Variants in TENM3 observed in about 807,000 individuals in gnomAD.
The protein encoded by TENM3 is teneurin transmembrane protein 3, also known as teneurin-3.
TENM3 carries 63 observed loss-of-function variants against 255.1 expected under a neutral mutation model. The observed-to-expected ratio is 0.25, with a 90% CI of 0.20 to 0.30. TENM3 has a LOEUF of 0.30. Among genes scored for constraint, TENM3 ranks in the 10% least tolerant of loss-of-function variants. The pLI, the probability that TENM3 is intolerant of heterozygous loss-of-function variation, is 1.00. For synonymous variants in TENM3, 1,306 were observed against 1,322.3 expected (o/e 0.99, Z 0.27); for missense variants, 2,929 against 3,461.1 (o/e 0.85, Z 3.86).
At chr4:182,007,061 G>C in the TENM3 span, among the ~76,000 whole-genome samples, 221 of 152,162 alleles carry the variant, frequency 1.5e-3, 1 homozygote, top group African/African-American at 4.8e-3. Context: ...TTAATCCTGA[G>C]TTCTAATTTG....
At chr4:181,706,547 A>T in the TENM3 span, among the ~76,000 whole-genome samples, 41 of 152,320 alleles carry the variant, frequency 2.7e-4, no homozygotes, top group African/African-American at 9.6e-4. Context: ...CATCCCACTG[A>T]TGGGTAGGAT....
the TENM3 span, among the ~76,000 whole-genome samples, chr4:181,597,347 G>A: frequency 2.0e-5 from 3 of 152,148 alleles, no homozygotes; most frequent in East Asian, 3.9e-4. Flanking sequence ...GCATAAACGT[G>A]GTGCTAGATT....
chr4:181,521,014 C>T, the TENM3 span, among the ~76,000 whole-genome samples: 4 of 152,166 alleles, frequency 2.6e-5, no homozygotes, highest in Non-Finnish European at 5.9e-5. Flanking sequence ...TCCTCTGTTG[C>T]GTGTAGGTCT....
intron 3 of TENM3, among the ~76,000 whole-genome samples, chr4:182,423,650 C>T (rs1206306427): frequency 6.6e-6 from 1 of 152,110 alleles, no homozygotes; most frequent in Non-Finnish European, 1.5e-5. Context: ...GTTAATACCC[C>T]AAGCTCCAAG....
chr4:182,121,864 T>G, the TENM3 span, among the ~76,000 whole-genome samples: 1 of 152,206 alleles, frequency 6.6e-6, no homozygotes, highest in East Asian at 1.9e-4. Flanking sequence ...ACAAGAGATT[T>G]CTCCATAGTG....
At chr4:181,668,327 T>C in the TENM3 span, among the ~76,000 whole-genome samples, 2 of 152,228 alleles carry the variant, frequency 1.3e-5, no homozygotes, top group African/African-American at 4.8e-5. Flanking sequence ...GTCCTCTGCA[T>C]GCTCCAGTTT....
chr4:181,789,692 C>G, the TENM3 span, among the ~76,000 whole-genome samples: 1 of 152,044 alleles, frequency 6.6e-6, no homozygotes, highest in Non-Finnish European at 1.5e-5. Context: ...CTACCAACCT[C>G]CAGGAGATGC....
chr4:182,101,128 A>AAGGGAGGG, the TENM3 span, among the ~76,000 whole-genome samples: 1 of 24,542 alleles, frequency 4.1e-5, no homozygotes, highest in Non-Finnish European at 8.0e-5. Flanking sequence ...GGAAGGAAAG[A>AAGGGAGGG]AGGAAGGAAG....
intron 3 of TENM3, among the ~76,000 whole-genome samples, chr4:182,497,437 A>G (rs541990475): frequency 8.2e-4 from 125 of 152,324 alleles, no homozygotes; most frequent in African/African-American, 2.8e-3. Flanking sequence ...CAAAACAACA[A>G]TTCTAGAAAA....
At chr4:181,581,377 C>T in the TENM3 span, among the ~76,000 whole-genome samples, 2 of 151,994 alleles carry the variant, frequency 1.3e-5, no homozygotes, top group Non-Finnish European at 2.9e-5. Context: ...GGAGGCGGAG[C>T]TTGCAGTGAG....
the TENM3 span, among the ~76,000 whole-genome samples, chr4:181,533,449 G>A: frequency 6.6e-6 from 1 of 152,058 alleles, no homozygotes. Context: ...TCACCTTTAT[G>A]TTCTCAACAA....
chr4:182,046,184 T>C, the TENM3 span, among the ~76,000 whole-genome samples: 1 of 152,194 alleles, frequency 6.6e-6, no homozygotes, highest in Non-Finnish European at 1.5e-5. Flanking sequence ...AAATGCTACA[T>C]GAAGTGCCAT....
the TENM3 span, among the ~76,000 whole-genome samples, chr4:182,042,443 A>T: frequency 6.6e-6 from 1 of 152,288 alleles, no homozygotes; most frequent in East Asian, 1.9e-4. Context: ...GTACAGTAAC[A>T]TGTCCAGAAG....
Position 182,222,323 on chromosome 4 carries a change from A to C in TENM3, c.-76+77569A>C, listed in dbSNP as rs564208490. Reference sequence around the variant, plus strand: ...CGTGGAGGTCTTCAAAACTCATTGAAATGTAGAAAATTATCTGCACATATG... The same window carrying C: ...CGTGGAGGTCTTCAAAACTCATTGACATGTAGAAAATTATCTGCACATATG... On this transcript the variant is annotated intron_variant, in intron 1 of 2. Coordinates refer to the TENM3 transcript ENST00000512480. Among the ~76,000 whole-genome samples, 3 of 152,334 alleles carry C rather than the reference A, an allele frequency of 2.0e-5. No homozygotes were observed. The South Asian group carries it at 6.2e-4, about 32-fold the overall frequency.
At chr4:182,529,767 CCA>C (rs1739589512) in intron 3 of TENM3, among the ~76,000 whole-genome samples, 1 of 152,048 alleles carries the variant, frequency 6.6e-6, no homozygotes, top group South Asian at 2.1e-4. Context: ...TATATAAATC[CCA>C]GTTAGCCACT....
intron 6 of TENM3, among the ~76,000 whole-genome samples, chr4:182,660,141 T>TA (rs1238423521): frequency 6.6e-6 from 1 of 152,226 alleles, no homozygotes; most frequent in Non-Finnish European, 1.5e-5. Flanking sequence ...TTGTCACTAT[T>TA]ACTATTTAAT....
intron 12 of TENM3, among the ~76,000 whole-genome samples, chr4:182,699,638 C>T (rs1757691851): frequency 6.6e-6 from 1 of 151,892 alleles, no homozygotes; most frequent in Non-Finnish European, 1.5e-5. Flanking sequence ...TTTCTGAAAC[C>T]GCATGCCTCA....
rs1007002701 is a variant in TENM3, at chr4:182,517,625, C to T, written c.512-83299C>T. Among the ~76,000 whole-genome samples the T allele has an allele frequency of 3.8e-5, 5 of 129,888 alleles. 1 individual carries two copies. Among genetic ancestry groups the T allele is most frequent in the Admixed American group, 1.6e-4 (2 of 12,864 alleles). The allele number at this position is 129,888 out of a possible 152,430, so 85.2% of individuals were successfully genotyped here. ...GTCTCGATCTCCTGACCTCGTGATC[C>T]GCCCGCCTCGGCCTCCCAAAGTGCT... On this transcript the variant is annotated intron_variant, in intron 3 of 27. Coordinates refer to ENST00000511685, the MANE Select transcript of TENM3 (RefSeq NM_001080477.4).
At chr4:181,801,620 G>A in the TENM3 span, among the ~76,000 whole-genome samples, 2 of 137,602 alleles carry the variant, frequency 1.5e-5, no homozygotes, top group Non-Finnish European at 3.1e-5. Flanking sequence ...GCTTTTGTAA[G>A]CCTGGTTTTT....
Sources: allele counts gnomAD v4.1 joint callset (sites outside exome capture counted in the v4.1 genomes callset), GRCh38; gene constraint gnomAD v4.1.1; transcripts MANE v1.5; gene names NCBI Gene and HGNC (gene_info 2026-07-23, HGNC 2026-07-21).